Variants in TMPRSS6 observed in about 807,000 individuals in gnomAD.
The protein encoded by TMPRSS6 is transmembrane serine protease 6.
In TMPRSS6, 67 loss-of-function variants were observed where a neutral mutation model predicts 101.5. That is an observed-to-expected ratio of 0.66 (90% CI 0.54 to 0.81). The LOEUF is 0.81. Among genes scored for constraint, TMPRSS6 ranks in the 30% least tolerant of loss-of-function variants. The pLI, the probability that TMPRSS6 is intolerant of heterozygous loss-of-function variation, is 0.00. For synonymous variants in TMPRSS6, 453 were observed against 464.9 expected (o/e 0.97, Z 0.33); for missense variants, 1,034 against 1,088.7 (o/e 0.95, Z 0.71).
chr22:37,087,620 T>A (rs1225348064), intron 7 of TMPRSS6, among the ~76,000 whole-genome samples: 1 of 150,344 alleles, frequency 6.7e-6, no homozygotes, highest in Non-Finnish European at 1.5e-5. Flanking sequence ...CCCTTCTTCC[T>A]ACCATTCCAG....
At position 37,103,397 on chromosome 22, in the gene TMPRSS6, G is replaced by T; in HGVS notation, c.21C>A (p.Pro7=). ...CGTCCCCCTGCCCGCCAGCCACCTGGGGGGCCTCGGCCACGGGCATCCTGC... is the reference window on the plus strand; with the variant it reads ...CGTCCCCCTGCCCGCCAGCCACCTGTGGGGCCTCGGCCACGGGCATCCTGC... MPVAEA[P]QVAGGQGDGG... is the part of the protein sequence containing the mutation. Residue 7 remains proline, a synonymous_variant, in exon 2 of 18, where the codon CCC becomes CCA. Transcript: ENST00000676104. The surrounding 1 kb of genome is among the most constrained non-coding windows in gnomAD (Gnocchi z 4.4). 6.2e-7 allele frequency: 1 copy of T among 1,614,172 alleles called. No individual in the cohort carries two copies. The highest frequency in any genetic ancestry group is 8.5e-7 in the Non-Finnish European group (1 of 1,180,024).
chr22:37,103,562 G>C lies in TMPRSS6; in HGVS notation c.-1-144C>G. 1 of 1,613,814 alleles carries C rather than the reference G, an allele frequency of 6.2e-7. No individual in the cohort carries two copies. ...CATCAGGCGGCAGTGACTGCAAGTG[G>C]GTGCCGAGACAGCTCACAGAGGAGG... On this transcript the variant is annotated intron_variant, in intron 1 of 17. Coordinates refer to ENST00000676104, the MANE Select transcript of TMPRSS6 (RefSeq NM_001374504.1). This position sits in a 1 kb window ranked among gnomAD's most constrained non-coding sequence, Gnocchi z 4.4.
In TMPRSS6 at chr22:37,073,517, C is replaced by A. The variant is rs1927336371; in HGVS notation, c.1555+15G>T. 6.3e-7 allele frequency: 1 copy of A among 1,588,200 alleles called. No homozygotes were observed. The highest frequency in any genetic ancestry group is 1.1e-5 in the South Asian group (1 of 90,658). ...CTTTGGTGTCCCTCCAGACACTCGG[C>A]TAGGCCTGCCCTACCTTCCTGGCAC... On this transcript the variant is annotated intron_variant, in intron 13 of 17. Transcript: ENST00000676104.
In TMPRSS6 at chr22:37,101,641, T is replaced by A. The variant is rs1025396328; in HGVS notation, c.202+1575A>T. Among the ~76,000 whole-genome samples, 7 of 152,104 alleles carry A rather than the reference T, an allele frequency of 4.6e-5. No homozygotes were observed. Among genetic ancestry groups the A allele is most frequent in the African/African-American group, 7.2e-5 (3 of 41,408 alleles). On this transcript the variant is annotated intron_variant, in intron 2 of 17. Coordinates refer to ENST00000676104, the MANE Select transcript of TMPRSS6 (RefSeq NM_001374504.1). This position sits in a 1 kb window ranked among gnomAD's most constrained non-coding sequence, Gnocchi z 4.1. The stretch of plus-strand genomic sequence containing the variant: ...CCTCCTTCAACCCTTAATCCCTCTG[T>A]GGGGGAGTTGGCTTCCCCCAGCAGA...
rs1167273829 is a variant in TMPRSS6, at chr22:37,097,889, TCCTGTTAC to T, written c.336+519_336+526del. The stretch of plus-strand genomic sequence containing the variant: ...ACGGAGGGGGAGGAGAGGGCCACCG[TCCTGTTAC>T]GGAGGGGGAGGAGAGGGCCACCGTC... On this transcript the variant is annotated intron_variant, in intron 3 of 17. Coordinates refer to ENST00000676104, the MANE Select transcript of TMPRSS6 (RefSeq NM_001374504.1). Among the ~76,000 whole-genome samples the T allele has an allele frequency of 1.4e-3, 77 of 53,534 alleles. 23 individuals carry two copies. Among genetic ancestry groups the T allele is most frequent in the African/African-American group, 5.4e-3 (73 of 13,610 alleles). 35.1% of individuals were successfully genotyped at this position (53,534 alleles called of 152,430 possible). A position where few individuals can be genotyped will look rare whatever the true frequency, so the allele number is the denominator to read the frequency against.
At chr22:37,075,334 G>A (rs1176990013) in intron 10 of TMPRSS6, 54 bp from the exon 11 acceptor site, 137 of 1,607,580 alleles carry the variant, frequency 8.5e-5, no homozygotes, top group Non-Finnish European at 1.1e-4. Flanking sequence ...CCTGGGTCCC[G>A]TGCACAGACA....
chr22:37,084,499 C>T (rs528314053), intron 9 of TMPRSS6, 95 bp from the exon 10 acceptor site: 1 of 988,202 alleles, frequency 1.0e-6, no homozygotes, highest in East Asian at 2.6e-5. Context: ...AACACAGAAT[C>T]CCAGGTGGGG....
intron 10 of TMPRSS6, among the ~76,000 whole-genome samples, chr22:37,076,684 AGCC>A (rs1326684455): frequency 2.0e-5 from 3 of 152,206 alleles, no homozygotes; most frequent in Admixed American, 6.5e-5. Flanking sequence ...CCTCCACAGC[AGCC>A]GGGGGTTCCT....
In TMPRSS6 at chr22:37,089,769, G is replaced by A. The variant is rs1446527271; in HGVS notation, c.645C>T (p.Tyr215=). The A allele has an allele frequency of 1.9e-6, 3 of 1,612,288 alleles. No homozygotes were observed. Among genetic ancestry groups the A allele is most frequent in the Non-Finnish European group, 2.5e-6 (3 of 1,179,684 alleles). Residue 215 remains tyrosine, a synonymous_variant, in exon 7 of 18, where the codon TAC becomes TAT. Transcript: ENST00000676104. The stretch of plus-strand genomic sequence containing the variant: ...GGACCTGGCCCTGGCCCACGTAGCT[G>A]TAGCGGTAACAACCTGGAGCGGGGA... ...ALNSTLGCYR[Y]SYVGQGQVLR...
chr22:37,086,320 G>A lies in TMPRSS6; in HGVS notation c.936C>T (p.Asp312=), dbSNP rs1476816307. 6.2e-7 allele frequency: 1 copy of A among 1,614,116 alleles called. No individual in the cohort carries two copies. Among genetic ancestry groups the A allele is most frequent in the Non-Finnish European group, 8.5e-7 (1 of 1,180,008 alleles). ...VWKKGLHSYY[D]PFVLSVQPVV... is the part of the protein sequence containing the mutation. The stretch of plus-strand genomic sequence containing the variant: ...CCGGCTGCACGGAGAGCACGAAGGG[G>A]TCGTAGTAGCTGTGCAGGCCCTTCT... The change falls in exon 8 of 18, where the codon GAC becomes GAT. Residue 312 remains aspartate, a synonymous_variant. Coordinates refer to ENST00000676104, the MANE Select transcript of TMPRSS6 (RefSeq NM_001374504.1).
At chr22:37,086,502 G>A (rs1928796299) in intron 7 of TMPRSS6, 83 bp from the exon 8 acceptor site, 1 of 1,423,232 alleles carries the variant, frequency 7.0e-7, no homozygotes, top group Admixed American at 2.0e-5. Context: ...TGCTGGGGGA[G>A]GGTGGACGGG....
chr22:37,086,204 G>A (rs978886235), intron 8 of TMPRSS6, 79 bp downstream of exon 8: 81 of 1,594,686 alleles, frequency 5.1e-5, no homozygotes, highest in Non-Finnish European at 6.5e-5. Context: ...GGGCAAAAAA[G>A]GTGAGCAGTG....
At chr22:37,078,967 GAAAGAAAAA>G (rs1927998163) in intron 10 of TMPRSS6, among the ~76,000 whole-genome samples, 1 of 83,834 alleles carries the variant, frequency 1.2e-5, no homozygotes, top group Admixed American at 1.3e-4. Flanking sequence ...GAGAAAGAAA[GAAAGAAAAA>G]GAAAGAAAGA....
In TMPRSS6 at chr22:37,103,662, C is replaced by A. The variant is rs1377440671; in HGVS notation, c.-1-244G>T. 3 of 1,408,898 alleles carry A rather than the reference C, an allele frequency of 2.1e-6. No homozygotes were observed. Among genetic ancestry groups the A allele is most frequent in the African/African-American group, 1.4e-5 (1 of 70,984 alleles). 87.3% of individuals were successfully genotyped at this position (1,408,898 alleles called of 1,614,324 possible). A position where few individuals can be genotyped will look rare whatever the true frequency, so the allele number is the denominator to read the frequency against. On this transcript the variant is annotated intron_variant, in intron 1 of 17. Coordinates refer to ENST00000676104, the MANE Select transcript of TMPRSS6 (RefSeq NM_001374504.1). This position sits in a 1 kb window ranked among gnomAD's most constrained non-coding sequence, Gnocchi z 4.4. The stretch of plus-strand genomic sequence containing the variant: ...ACTGGGTCTGGCTCAAGAACCCCAC[C>A]TTTGCTTCCCACTGGCTTCCCTATG...
chr22:37,100,990 G>A (rs1930266217), intron 2 of TMPRSS6, among the ~76,000 whole-genome samples: 1 of 152,164 alleles, frequency 6.6e-6, no homozygotes, highest in African/African-American at 2.4e-5. Flanking sequence ...TAGCAACCTG[G>A]GATGTTGGCG....
intron 10 of TMPRSS6, among the ~76,000 whole-genome samples, chr22:37,077,996 C>T (rs1156355949): frequency 6.6e-6 from 1 of 152,236 alleles, no homozygotes; most frequent in African/African-American, 2.4e-5. Context: ...CTGAGCAAGC[C>T]TGGCCCTCTT....
chr22:37,067,062 C>T, intron 16 of TMPRSS6, 100 bp from the exon 17 acceptor site: 1 of 1,545,764 alleles, frequency 6.5e-7, no homozygotes, highest in Non-Finnish European at 8.8e-7. Flanking sequence ...GAGCCTACTT[C>T]TCTCCTGCTC....
At chr22:37,094,410 GATAGATAGATAGATAGAT>G (rs1569019772) in intron 6 of TMPRSS6, among the ~76,000 whole-genome samples, 3 of 150,548 alleles carry the variant, frequency 2.0e-5, no homozygotes, top group Non-Finnish European at 4.4e-5. Flanking sequence ...TAGATAGATA[GATAGATAGATAGATAGAT>G]ATAAACAGAC....
chr22:37,108,706 G>A (rs1412786736), intron 1 of TMPRSS6, among the ~76,000 whole-genome samples: 3 of 152,220 alleles, frequency 2.0e-5, no homozygotes, highest in African/African-American at 4.8e-5. Context: ...ACAGCCTGGG[G>A]TGCCTACTTT....
Sources: allele counts gnomAD v4.1 joint callset (sites outside exome capture counted in the v4.1 genomes callset), GRCh38; gene constraint gnomAD v4.1.1; non-coding constraint Gnocchi (gnomAD v3.1); transcripts MANE v1.5; gene names NCBI Gene and HGNC (gene_info 2026-07-23, HGNC 2026-07-21).